MAOB: variants seen among roughly 807,000 people sequenced by gnomAD.
MAOB encodes the protein monoamine oxidase B.
In MAOB, 15 loss-of-function variants were observed where a neutral mutation model predicts 41.9. The ratio of observed to expected loss-of-function variants is 0.36; its 90% confidence interval spans 0.24 to 0.55. The LOEUF (loss-of-function observed/expected upper bound fraction) is 0.55, where lower values mean the gene tolerates loss of function less well. MAOB is among the 20% of genes least tolerant of loss of function. MAOB has a pLI of 0.86. For missense variants in MAOB, 345 were observed against 398.7 expected (o/e 0.87, Z 1.15); for synonymous variants, 167 against 144.2 (o/e 1.16, Z -1.13).
intron 4 of MAOB, 66 bp downstream of exon 4, chrX:43,803,234 C>T (rs1227976736): frequency 1.0e-6 from 1 of 986,424 alleles, no homozygotes; most frequent in African/African-American, 2.0e-5. Context: ...ATATATTTTA[C>T]TTTCTTTCTT....
At chrX:43,782,500 T>C (rs904243047) in intron 8 of MAOB, among the ~76,000 whole-genome samples, 2 of 111,254 alleles carry the variant, frequency 1.8e-5, no homozygotes, top group African/African-American at 6.5e-5. Context: ...CAGTAATTAA[T>C]AGTCTACCAA....
intron 3 of MAOB, among the ~76,000 whole-genome samples, chrX:43,829,077 G>T (rs2034986423): frequency 8.9e-6 from 1 of 112,022 alleles, no homozygotes; most frequent in Non-Finnish European, 1.9e-5. Context: ...GTTTGCACAT[G>T]AGTAGAAGCT....
At chrX:43,860,086 C>G (rs1382427837) in intron 1 of MAOB, among the ~76,000 whole-genome samples, 1 of 111,974 alleles carries the variant, frequency 8.9e-6, no homozygotes, top group Non-Finnish European at 1.9e-5. Context: ...TGTTTCTGAA[C>G]CACAGGCTTT....
rs1307427917 is a variant in MAOB, at chrX:43,839,059, A to T, written c.142-54T>A. 1.4e-5 allele frequency: 13 copies of T among 931,988 alleles called. No individual in the cohort carries two copies. In the Admixed American group the frequency reaches 3.8e-4, roughly 27 times the overall value. The allele number at this position is 931,988 out of a possible 1,213,427, so 76.8% of individuals were successfully genotyped here. On this transcript the variant is annotated intron_variant, in intron 2 of 14. Coordinates refer to ENST00000378069, the MANE Select transcript of MAOB (RefSeq NM_000898.5). ...AAATTTGTAAAAAATGTATAAAATA[A>T]CAAAAGACAGTCCTGAAATAAGCAA...
chrX:43,770,386 C>G (rs1250758185), intron 12 of MAOB, among the ~76,000 whole-genome samples: 6 of 111,522 alleles, frequency 5.4e-5, no homozygotes, highest in Non-Finnish European at 1.1e-4. Flanking sequence ...AGCTGCCAAT[C>G]CTAAGGGCAT....
chrX:43,832,352 C>A (rs1415328673), intron 3 of MAOB, among the ~76,000 whole-genome samples: 1 of 112,226 alleles, frequency 8.9e-6, no homozygotes, highest in African/African-American at 3.2e-5. Flanking sequence ...ACTTGTAATA[C>A]ATTTGCTTTT....
At chrX:43,833,254 T>C (rs2035038132) in intron 3 of MAOB, among the ~76,000 whole-genome samples, 1 of 111,384 alleles carries the variant, frequency 9.0e-6, no homozygotes, top group Non-Finnish European at 1.9e-5. Flanking sequence ...TGGTAGTTTC[T>C]AGATGTCCAT....
At chrX:43,880,049 AT>A (rs1403128967) in intron 1 of MAOB, among the ~76,000 whole-genome samples, 1 of 111,915 alleles carries the variant, frequency 8.9e-6, no homozygotes, top group African/African-American at 3.2e-5. Context: ...CTTCCCTAGA[AT>A]TTTTTATATG....
intron 3 of MAOB, among the ~76,000 whole-genome samples, chrX:43,818,694 C>G (rs2147149753): frequency 8.9e-6 from 1 of 112,588 alleles, no homozygotes; most frequent in South Asian, 3.7e-4. Flanking sequence ...CGGACAGACC[C>G]AGGAGAAATC....
intron 2 of MAOB, among the ~76,000 whole-genome samples, chrX:43,840,893 G>GTTT (rs749492144): frequency 3.3e-5 from 3 of 92,126 alleles, no homozygotes; most frequent in Admixed American, 1.2e-4. Context: ...AGCTGCAGGA[G>GTTT]TTTTTTTTTT....
At chrX:43,811,947 AT>A (rs1034142178) in intron 3 of MAOB, among the ~76,000 whole-genome samples, 23 of 109,934 alleles carry the variant, frequency 2.1e-4, no homozygotes, top group African/African-American at 4.6e-4. Flanking sequence ...TTCTTTAACT[AT>A]TTTTTTTTAT....
At chrX:43,828,783 C>CAT (rs1408362657) in intron 3 of MAOB, among the ~76,000 whole-genome samples, 11 of 111,789 alleles carry the variant, frequency 9.8e-5, no homozygotes, top group African/African-American at 3.3e-4. Flanking sequence ...CCAACTGGGG[C>CAT]ATCTTGAGCA....
intron 1 of MAOB, among the ~76,000 whole-genome samples, chrX:43,864,235 T>C (rs2035351171): frequency 9.0e-6 from 1 of 111,588 alleles, no homozygotes. Flanking sequence ...GTATTTTCTC[T>C]AGTTGGAGTT....
At chrX:43,851,623 A>G (rs1039426769) in intron 1 of MAOB, among the ~76,000 whole-genome samples, 11 of 111,792 alleles carry the variant, frequency 9.8e-5, no homozygotes, top group Non-Finnish European at 1.5e-4. Context: ...CTGAAGAGCT[A>G]CCATTTCTGC....
At chrX:43,801,502 G>A (rs149162744) in intron 5 of MAOB, among the ~76,000 whole-genome samples, 7 of 111,263 alleles carry the variant, frequency 6.3e-5, no homozygotes, top group Non-Finnish European at 1.3e-4. Flanking sequence ...AATTTACCAC[G>A]TGCTTGAATG....
chrX:43,866,427 T>C (rs554371743), intron 1 of MAOB, among the ~76,000 whole-genome samples: 1 of 112,247 alleles, frequency 8.9e-6, no homozygotes, highest in Middle Eastern at 4.6e-3. Context: ...GGATGAACCT[T>C]GAGGATATTA....
At chrX:43,793,290 T>A (rs2034484980) in intron 8 of MAOB, 129 bp downstream of exon 8, 3 of 476,196 alleles carry the variant, frequency 6.3e-6, no homozygotes, top group African/African-American at 2.5e-5. Context: ...ATGCAACATA[T>A]CCATGTAACA....
At chrX:43,815,911 A>G (rs1278011407) in intron 3 of MAOB, among the ~76,000 whole-genome samples, 3 of 112,210 alleles carry the variant, frequency 2.7e-5, no homozygotes, top group Admixed American at 9.5e-5. Flanking sequence ...ATATCCATCA[A>G]TAGCAATATG....
In MAOB at chrX:43,766,820, CCCACACAA is replaced by C. The variant is rs1442269692; in HGVS notation, c.*638_*645del. 2 of 111,608 alleles carry C rather than the reference CCCACACAA, an allele frequency of 1.8e-5. No homozygotes were observed. Among genetic ancestry groups the C allele is most frequent in the Non-Finnish European group, 3.8e-5 (2 of 53,242 alleles). The allele number at this position is 111,608 out of a possible 1,213,427, so 9.2% of individuals were successfully genotyped here. Reference sequence around the variant, plus strand: ...GTAAGACAACTTAGCACAGAGTAAACCCACACAACGGGACACCATCGGTAACTATGACA... The same window carrying C: ...GTAAGACAACTTAGCACAGAGTAAACCGGGACACCATCGGTAACTATGACA... On this transcript the variant is annotated 3_prime_UTR_variant, in exon 15 of 15. Transcript: ENST00000378069.
Sources: gnomAD v4.1 joint callset for allele counts (sites outside exome capture counted in the v4.1 genomes callset) on GRCh38, gnomAD v4.1.1 for gene constraint, MANE v1.5 for transcripts, NCBI Gene and HGNC (gene_info 2026-07-23, HGNC 2026-07-21) for gene names.